PIEZO2: variants seen among roughly 807,000 people sequenced by gnomAD.
PIEZO2 encodes the protein piezo type mechanosensitive ion channel component 2.
A neutral mutation model predicts 337.3 loss-of-function variants in PIEZO2; 172 were observed. The ratio of observed to expected loss-of-function variants is 0.51; its 90% CI spans 0.45 to 0.58. The LOEUF (loss-of-function observed/expected upper bound fraction) is 0.58. Among genes scored for constraint, PIEZO2 ranks in the 20% least tolerant of loss-of-function variants. The pLI is 0.00. For missense variants in PIEZO2, 3,028 were observed against 3,391.3 expected, an observed-to-expected ratio of 0.89 and a Z score of 2.66; for synonymous variants, 1,251 against 1,228.5, an observed-to-expected ratio of 1.02 and a Z score of -0.38.
In PIEZO2 at chr18:10,847,069, C is replaced by G. The variant is rs1163261516; in HGVS notation, c.917+8284G>C. 6.6e-6 allele frequency among the ~76,000 whole-genome samples: 1 copy of G among 152,196 alleles called. No homozygotes were observed. The highest frequency in any genetic ancestry group is 1.5e-5 in the Non-Finnish European group (1 of 68,042). On this transcript the variant is annotated intron_variant, in intron 7 of 55. Coordinates refer to ENST00000674853, the MANE Select transcript of PIEZO2 (RefSeq NM_001378183.1). This position sits in a 1 kb window ranked among gnomAD's most constrained non-coding sequence, Gnocchi z 5.7. ...AGGTACAGAGAGTTTTAGTAAAGTT[C>G]TGCTAGGTGCTCTGCCTAGAAAATA...
intron 2 of PIEZO2, among the ~76,000 whole-genome samples, chr18:10,983,808 T>A (rs2145508336): frequency 6.6e-6 from 1 of 152,226 alleles, no homozygotes; most frequent in South Asian, 2.1e-4. Flanking sequence ...TCTCAACATG[T>A]ACAAATATTA....
intron 1 of PIEZO2, among the ~76,000 whole-genome samples, chr18:11,134,581 A>T (rs978498529): frequency 2.0e-5 from 3 of 152,130 alleles, no homozygotes; most frequent in African/African-American, 7.2e-5. Flanking sequence ...GAATTTTTCA[A>T]TGTGTGCTCC....
At chr18:10,978,413 A>G (rs1048090518) in intron 3 of PIEZO2, among the ~76,000 whole-genome samples, 1 of 152,128 alleles carries the variant, frequency 6.6e-6, no homozygotes, top group African/African-American at 2.4e-5. Flanking sequence ...ATGGTGTGTG[A>G]ATTATATTTC....
Position 10,788,978 on chromosome 18 carries a change from C to T in PIEZO2, c.2169+101G>A, listed in dbSNP as rs150355006. Reference sequence around the variant, plus strand: ...GTTTGAATCTTGCCAATCACTTTATCCATGTTCATGAGATTCTAGTGATTT... The same window carrying T: ...GTTTGAATCTTGCCAATCACTTTATTCATGTTCATGAGATTCTAGTGATTT... On this transcript the variant is annotated intron_variant, in intron 15 of 55. Transcript: ENST00000674853. 1,229 of 1,269,360 alleles carry T rather than the reference C, an allele frequency of 9.7e-4. 2 individuals are homozygous for T. Among genetic ancestry groups the T allele is most frequent in the Admixed American group, 1.9e-3 (66 of 34,718 alleles). 78.6% of individuals were successfully genotyped at this position (1,269,360 alleles called of 1,614,324 possible).
chr18:10,804,376 G>A (rs1205609192), intron 8 of PIEZO2, among the ~76,000 whole-genome samples: 1 of 152,244 alleles, frequency 6.6e-6, no homozygotes, highest in African/African-American at 2.4e-5. Context: ...CTTCAATTAA[G>A]ACTGGATGTA....
intron 4 of PIEZO2, among the ~76,000 whole-genome samples, chr18:10,898,604 G>A (rs922801648): frequency 1.3e-5 from 2 of 152,140 alleles, no homozygotes; most frequent in Non-Finnish European, 2.9e-5. Context: ...TGAAAAATTG[G>A]ATTATAGCTG....
At chr18:10,714,968 G>C in intron 38 of PIEZO2, 38 bp from the exon 39 acceptor site, 1 of 1,527,572 alleles carries the variant, frequency 6.5e-7, no homozygotes, top group South Asian at 1.2e-5. Flanking sequence ...TCTTATGGAG[G>C]CATCTACCTG....
In PIEZO2 at chr18:10,774,674, C is replaced by A. The variant is rs542074846; in HGVS notation, c.2535-636G>T. Among the ~76,000 whole-genome samples, 3 of 151,788 alleles carry A rather than the reference C, an allele frequency of 2.0e-5. No individual in the cohort carries two copies. The East Asian group carries it at 5.8e-4, about 29-fold the overall frequency. On this transcript the variant is annotated intron_variant, in intron 18 of 55. Coordinates refer to ENST00000674853, the MANE Select transcript of PIEZO2 (RefSeq NM_001378183.1). Reference sequence around the variant, plus strand: ...GACCATAACAAGTCCCATCCTTCTCCTACAGTTTTTTTTAAAAGCATATCT... The same window carrying A: ...GACCATAACAAGTCCCATCCTTCTCATACAGTTTTTTTTAAAAGCATATCT...
At chr18:10,757,684 C>A (rs1345180599) in intron 27 of PIEZO2, among the ~76,000 whole-genome samples, 4 of 151,686 alleles carry the variant, frequency 2.6e-5, no homozygotes. Context: ...GGAGGACCCT[C>A]CACTGGAGAG....
chr18:10,691,230 G>C lies in PIEZO2; in HGVS notation c.7344C>G (p.Phe2448Leu). The change falls in exon 48 of 56, where the codon TTC becomes TTG. Residue 2448 changes from phenylalanine to leucine, a missense_variant. Phe to Leu is a conservative substitution (Grantham distance 22). Coordinates refer to ENST00000674853, the MANE Select transcript of PIEZO2 (RefSeq NM_001378183.1). The part of the protein sequence containing the change: ...KSYNYVNLFL[F>L]QGFRLVPFLT... ...GACGTTGCAGAGCGTCCTACCCTTG[G>C]AATAAGAAGAGGTTGACGTAATTGT... 6.2e-7 allele frequency: 1 copy of C among 1,613,590 alleles called. No individual in the cohort carries two copies. Among genetic ancestry groups the C allele is most frequent in the Non-Finnish European group, 8.5e-7 (1 of 1,179,872 alleles).
intron 1 of PIEZO2, among the ~76,000 whole-genome samples, chr18:11,088,996 C>G (rs1222363568): frequency 1.3e-5 from 2 of 152,190 alleles, no homozygotes; most frequent in Admixed American, 6.5e-5. Context: ...ATAGAAACCA[C>G]TTTTCTAGTG....
rs202058003 is a variant in PIEZO2, at chr18:10,828,149, T to TTG, written c.918-20876_918-20875insCA. Among the ~76,000 whole-genome samples, 4,800 of 151,310 alleles carry TTG rather than the reference T, an allele frequency of 0.032. 247 individuals carry two copies. Among genetic ancestry groups the TTG allele is most frequent in the African/African-American group, 0.11 (4,549 of 41,220 alleles). ...TTGTTTGTTTGTTTTTGTTTTTTTT[T>TTG]TTTTTTACAGTAAAACCAATCCTGT... On this transcript the variant is annotated intron_variant, in intron 7 of 55. Coordinates refer to ENST00000674853, the MANE Select transcript of PIEZO2 (RefSeq NM_001378183.1). This position sits in a 1 kb window ranked among gnomAD's most constrained non-coding sequence, Gnocchi z 4.1.
intron 17 of PIEZO2, among the ~76,000 whole-genome samples, chr18:10,782,336 A>AT (rs1568051000): frequency 4.5e-4 from 13 of 28,666 alleles, no homozygotes; most frequent in Admixed American, 2.8e-3. Context: ...ATTATATATA[A>AT]ATAATTATAA....
intron 1 of PIEZO2, among the ~76,000 whole-genome samples, chr18:11,086,769 T>C (rs965017515): frequency 6.8e-6 from 1 of 147,954 alleles, no homozygotes; most frequent in Non-Finnish European, 1.5e-5. Context: ...TTTTTTTTTT[T>C]AACAGGAAGA....
At chr18:11,039,070 C>T (rs896686379) in intron 2 of PIEZO2, among the ~76,000 whole-genome samples, 60 of 152,108 alleles carry the variant, frequency 3.9e-4, no homozygotes, top group African/African-American at 1.4e-3. Context: ...TGTAAGATCC[C>T]AGGCTGAAAA....
rs563025846 is a variant in PIEZO2, at chr18:11,100,635, G to A, written c.65-34413C>T. On this transcript the variant is annotated intron_variant, in intron 1 of 55. Transcript: ENST00000674853. ...TTTTGAGACGGAGTCTCACTCTGTC[G>A]CCCAGGCTGGAGTGCAGTGGCACAG... 7.2e-5 allele frequency among the ~76,000 whole-genome samples: 11 copies of A among 151,908 alleles called. No individual in the cohort carries two copies. In the South Asian group the frequency reaches 1.5e-3, roughly 20 times the overall value.
rs573751442 is a variant in PIEZO2 at position 10,677,974 on chromosome 18, C to T, written c.7953-99G>A. The T allele has an allele frequency of 6.7e-6, 8 of 1,202,872 alleles. No homozygotes were observed. The highest frequency in any genetic ancestry group is 2.9e-5 in the Admixed American group (1 of 34,842). The allele number at this position is 1,202,872 out of a possible 1,614,324, so 74.5% of individuals were successfully genotyped here. On this transcript the variant is annotated intron_variant, in intron 52 of 55. Transcript: ENST00000674853. This position sits in a 1 kb window ranked among gnomAD's most constrained non-coding sequence, Gnocchi z 4.1. ...ACTCTTAATTTGATTAATGTCACCA[C>T]GTTTTCATTGGGTCCACAACGGTCA...
intron 1 of PIEZO2, among the ~76,000 whole-genome samples, chr18:11,073,617 C>G (rs1321666364): frequency 6.6e-6 from 1 of 152,270 alleles, no homozygotes; most frequent in Non-Finnish European, 1.5e-5. Context: ...TAAACCACCT[C>G]CAAAAATCCA....
intron 1 of PIEZO2, among the ~76,000 whole-genome samples, chr18:11,135,424 C>T (rs2040453949): frequency 6.6e-6 from 1 of 152,146 alleles, no homozygotes; most frequent in Non-Finnish European, 1.5e-5. Context: ...TAAAAAGCAA[C>T]TGAAAGACAA....
Sources: gnomAD v4.1 joint callset for allele counts (sites outside exome capture counted in the v4.1 genomes callset) on GRCh38, gnomAD v4.1.1 for gene constraint, Gnocchi (gnomAD v3.1) non-coding constraint, MANE v1.5 for transcripts, NCBI Gene and HGNC (gene_info 2026-07-23, HGNC 2026-07-21) for gene names.